TMTC2: variants seen among roughly 807,000 people sequenced by gnomAD.
TMTC2 encodes the protein protein O-mannosyl-transferase TMTC2.
A neutral mutation model predicts 82.4 loss-of-function variants in TMTC2; 43 were observed. The ratio of observed to expected loss-of-function variants is 0.52; its 90% confidence interval spans 0.41 to 0.67. TMTC2 has a LOEUF of 0.67. Ranked by LOEUF, TMTC2 falls within the 30% of genes least tolerant of loss-of-function variation. The probability of loss-of-function intolerance (pLI) is 0.00; values close to 1 mark genes in which losing one functional copy is unlikely to be tolerated. For missense variants in TMTC2, 919 were observed against 1,012.4 expected, an observed-to-expected ratio of 0.91 and a Z score of 1.25; for synonymous variants, 408 against 381.9, an observed-to-expected ratio of 1.07 and a Z score of -0.80.
chr12:83,010,660 C>T (rs1880413779), intron 8 of TMTC2, among the ~76,000 whole-genome samples: 1 of 152,174 alleles, frequency 6.6e-6, no homozygotes, highest in African/African-American at 2.4e-5. Flanking sequence ...GCAACAGGAT[C>T]TAGACCAAAC....
At chr12:82,923,191 G>A (rs1375915155) in intron 3 of TMTC2, among the ~76,000 whole-genome samples, 1 of 152,148 alleles carries the variant, frequency 6.6e-6, no homozygotes, top group Non-Finnish European at 1.5e-5. Flanking sequence ...TGCCAGTCTA[G>A]GTATAAAAGA....
chr12:82,690,824 T>G (rs1872539824), intron 1 of TMTC2, among the ~76,000 whole-genome samples: 1 of 152,186 alleles, frequency 6.6e-6, no homozygotes, highest in African/African-American at 2.4e-5. Flanking sequence ...TTAAAGGATT[T>G]TCTCTTATTT....
chr12:83,108,734 T>C (rs988074676), intron 11 of TMTC2, among the ~76,000 whole-genome samples: 1 of 152,130 alleles, frequency 6.6e-6, no homozygotes, highest in Non-Finnish European at 1.5e-5. Flanking sequence ...TCTTAGGACA[T>C]GCTGTTGGTG....
chr12:83,122,303 A>G (rs759748665), intron 11 of TMTC2, among the ~76,000 whole-genome samples: 1 of 151,074 alleles, frequency 6.6e-6, no homozygotes, highest in Non-Finnish European at 1.5e-5. Flanking sequence ...GAGTCTGCAC[A>G]CTAGATTCAT....
intron 9 of TMTC2, among the ~76,000 whole-genome samples, chr12:83,043,272 A>G (rs985295586): frequency 2.6e-5 from 4 of 152,206 alleles, no homozygotes; most frequent in African/African-American, 9.7e-5. Context: ...CCCTACCTAC[A>G]GCTAGTCTAA....
rs1254421026 is a variant in TMTC2 at position 82,717,294 on chromosome 12, A to C, written c.83+29625A>C. Among the ~76,000 whole-genome samples the C allele has an allele frequency of 2.7e-5, 4 of 149,848 alleles. No individual in the cohort carries two copies. In the East Asian group the frequency reaches 7.9e-4, roughly 30 times the overall value. On this transcript the variant is annotated intron_variant, in intron 1 of 11. Coordinates refer to ENST00000321196, the MANE Select transcript of TMTC2 (RefSeq NM_152588.3). ...GGCTGTAGTGCAATGGCGTGATCTC[A>C]TCTCACCACAACCTCCACCTCCTGG...
rs146981534 is a variant in TMTC2, at chr12:82,777,265, A to G, written c.84-79745A>G. Among the ~76,000 whole-genome samples, 9 of 152,066 alleles carry G rather than the reference A, an allele frequency of 5.9e-5. No homozygotes were observed. The East Asian group carries it at 1.5e-3, about 26-fold the overall frequency. ...AGTAGAATAGTGGGCATGAACTTGG[A>G]CTCTTTTGGGAATATAGACATTTAT... On this transcript the variant is annotated intron_variant, in intron 1 of 11. Coordinates refer to ENST00000321196, the MANE Select transcript of TMTC2 (RefSeq NM_152588.3).
intron 7 of TMTC2, among the ~76,000 whole-genome samples, chr12:82,971,712 A>G (rs1460062979): frequency 6.6e-6 from 1 of 152,070 alleles, no homozygotes; most frequent in Non-Finnish European, 1.5e-5. Context: ...TATCTCGAGA[A>G]CAAAAGGGCA....
intron 2 of TMTC2, among the ~76,000 whole-genome samples, chr12:82,864,744 G>A (rs546105576): frequency 1.1e-4 from 16 of 151,390 alleles, no homozygotes; most frequent in African/African-American, 2.4e-4. Context: ...CTTGTGATCC[G>A]CCCGCCTTGG....
chr12:82,845,943 GTT>G (rs199718259), intron 1 of TMTC2, among the ~76,000 whole-genome samples: 24,800 of 137,732 alleles, frequency 0.18, 4,449 homozygotes, highest in African/African-American at 0.46. Context: ...TTTTGTGTTT[GTT>G]TTTTTTTTTT....
chr12:82,906,965 A>C (rs1455876916), intron 3 of TMTC2, among the ~76,000 whole-genome samples: 4 of 152,184 alleles, frequency 2.6e-5, no homozygotes, highest in African/African-American at 9.7e-5. Context: ...TATTGAGTAG[A>C]AAAAAATAGA....
intron 2 of TMTC2, among the ~76,000 whole-genome samples, chr12:82,884,198 C>T (rs1872974992): frequency 1.3e-5 from 2 of 152,172 alleles, no homozygotes; most frequent in South Asian, 2.1e-4. Flanking sequence ...TTGCTCACTG[C>T]TTGATTTCCC....
intron 11 of TMTC2, among the ~76,000 whole-genome samples, chr12:83,098,773 G>T (rs1474004111): frequency 6.6e-6 from 1 of 152,056 alleles, no homozygotes; most frequent in Non-Finnish European, 1.5e-5. Context: ...AGCATCTCTT[G>T]CCATCCATGC....
At chr12:82,780,690 C>T (rs1877856631) in intron 1 of TMTC2, among the ~76,000 whole-genome samples, 1 of 152,038 alleles carries the variant, frequency 6.6e-6, no homozygotes, top group African/African-American at 2.4e-5. Context: ...TTTGAACTAA[C>T]ACTTCGTTTG....
intron 1 of TMTC2, among the ~76,000 whole-genome samples, chr12:82,799,083 T>G (rs2137033363): frequency 6.6e-6 from 1 of 152,290 alleles, no homozygotes; most frequent in East Asian, 1.9e-4. Flanking sequence ...TGCTATAAAA[T>G]ATTTTCATGT....
chr12:82,942,316 A>G (rs554084976), intron 4 of TMTC2, among the ~76,000 whole-genome samples: 2 of 152,282 alleles, frequency 1.3e-5, no homozygotes, highest in East Asian at 3.9e-4. Flanking sequence ...ATTCTGATTT[A>G]TTATTAATAG....
At position 83,097,308 on chromosome 12, in the gene TMTC2, A is replaced by G. The variant is rs529476677; in HGVS notation, c.2332-34902A>G. Among the ~76,000 whole-genome samples, 269 of 152,354 alleles carry G rather than the reference A, an allele frequency of 1.8e-3. 2 individuals carry two copies. Among genetic ancestry groups the G allele is most frequent in the Middle Eastern group, 6.8e-3 (2 of 294 alleles). ...GTTCTTCTCAAACATATGCACACAC[A>G]CAAAAGCACACACTCACACATGCAA... On this transcript the variant is annotated intron_variant, in intron 11 of 11. Coordinates refer to ENST00000321196, the MANE Select transcript of TMTC2 (RefSeq NM_152588.3).
chr12:82,883,918 G>T (rs2137159911), intron 2 of TMTC2, among the ~76,000 whole-genome samples: 1 of 152,190 alleles, frequency 6.6e-6, no homozygotes, highest in East Asian at 1.9e-4. Context: ...GGTCACAAAG[G>T]ATATTTTCTT....
In TMTC2 at chr12:83,067,976, T is replaced by G. The variant is rs556747089; in HGVS notation, c.2331+6145T>G. On this transcript the variant is annotated intron_variant, in intron 11 of 11. Coordinates refer to ENST00000321196, the MANE Select transcript of TMTC2 (RefSeq NM_152588.3). Reference sequence around the variant, plus strand: ...ATGTCTTTCCCAGGTACTTAGAACATAAATTATTTCAGAACATTATTATAA... The same window carrying G: ...ATGTCTTTCCCAGGTACTTAGAACAGAAATTATTTCAGAACATTATTATAA... 6.6e-5 allele frequency among the ~76,000 whole-genome samples: 10 copies of G among 152,196 alleles called. No individual in the cohort carries two copies. In the South Asian group the frequency reaches 1.9e-3, roughly 28 times the overall value.
Sources: gnomAD v4.1 joint callset for allele counts (sites outside exome capture counted in the v4.1 genomes callset) on GRCh38, gnomAD v4.1.1 for gene constraint, MANE v1.5 for transcripts, NCBI Gene and HGNC (gene_info 2026-07-23, HGNC 2026-07-21) for gene names.